Variants in PCDHA9 observed in about 807,000 individuals in gnomAD.
PCDHA9 encodes the protein protocadherin alpha 9.
A neutral mutation model predicts 62.0 loss-of-function variants in PCDHA9; 62 were observed. The observed-to-expected ratio is 1.00, with a 90% CI of 0.81 to 1.23. The LOEUF is 1.23. Among genes scored for constraint, PCDHA9 ranks in the 50% most tolerant of loss-of-function variants. The pLI, the probability that PCDHA9 is intolerant of heterozygous loss-of-function variation, is 0.00. For missense variants in PCDHA9, 1,205 were observed against 1,249.8 expected (o/e 0.96, Z 0.54); for synonymous variants, 557 against 567.6 (o/e 0.98, Z 0.27).
chr5:140,907,641 C>T (rs2073511625), intron 1 of PCDHA9, among the ~76,000 whole-genome samples: 1 of 152,212 alleles, frequency 6.6e-6, no homozygotes, highest in Non-Finnish European at 1.5e-5. Context: ...CTGCTGCTGG[C>T]AAATTGGGCA....
intron 1 of PCDHA9, chr5:140,860,230 A>G (rs1282358261): frequency 6.6e-6 from 1 of 151,076 alleles, no homozygotes; most frequent in Non-Finnish European, 1.5e-5. Context: ...TATATAAGCC[A>G]GGCATGGTGG....
chr5:140,937,317 G>C (rs1282380622), intron 1 of PCDHA9, among the ~76,000 whole-genome samples: 1 of 152,048 alleles, frequency 6.6e-6, no homozygotes, highest in Non-Finnish European at 1.5e-5. Context: ...GATTACAGGC[G>C]TGAGCCACCG....
At chr5:140,862,473 A>G in intron 1 of PCDHA9, 1 of 377,242 alleles carries the variant, frequency 2.7e-6, no homozygotes. Flanking sequence ...GAGCAAATCT[A>G]TCCATTGTTG....
chr5:140,993,523 CAG>C (rs111789518), intron 3 of PCDHA9, among the ~76,000 whole-genome samples: 1,510 of 145,458 alleles, frequency 0.01, 24 homozygotes, highest in African/African-American at 0.035. Flanking sequence ...GAGAGAGAGA[CAG>C]AGAGAGAGAG....
At chr5:140,980,494 A>T (rs868915196) in intron 2 of PCDHA9, among the ~76,000 whole-genome samples, 1 of 152,106 alleles carries the variant, frequency 6.6e-6, no homozygotes, top group African/African-American at 2.4e-5. Context: ...GCTGGGCGTG[A>T]TGGCATGTGC....
At chr5:140,986,458 A>G (rs1199378141) in intron 3 of PCDHA9, among the ~76,000 whole-genome samples, 1 of 152,166 alleles carries the variant, frequency 6.6e-6, no homozygotes, top group Admixed American at 6.5e-5. Flanking sequence ...GTTTTAATGA[A>G]TGCCCTCTTG....
At chr5:140,941,194 T>TTTCTTC (rs2092780236) in intron 1 of PCDHA9, among the ~76,000 whole-genome samples, 5 of 112,438 alleles carry the variant, frequency 4.4e-5, no homozygotes, top group African/African-American at 1.8e-4. Flanking sequence ...TCTTTTTTTT[T>TTTCTTC]CTTTCTTCCT....
chr5:140,919,509 A>G (rs897648504), intron 1 of PCDHA9, among the ~76,000 whole-genome samples: 1 of 152,052 alleles, frequency 6.6e-6, no homozygotes, highest in Non-Finnish European at 1.5e-5. Context: ...CTTTTTCTAT[A>G]TGTTTTAATT....
chr5:140,883,696 G>T (rs142212706), intron 1 of PCDHA9: 2 of 1,613,818 alleles, frequency 1.2e-6, no homozygotes, highest in Non-Finnish European at 1.7e-6. Flanking sequence ...ACATCTTCAC[G>T]GTGTCTGCTC....
intron 2 of PCDHA9, among the ~76,000 whole-genome samples, chr5:140,979,939 T>A (rs2096870929): frequency 6.6e-6 from 1 of 152,210 alleles, no homozygotes; most frequent in African/African-American, 2.4e-5. Context: ...ATGTGTAGAG[T>A]TAATGTGAAA....
At chr5:140,920,841 TAAA>T (rs781921146) in intron 1 of PCDHA9, among the ~76,000 whole-genome samples, 2 of 109,226 alleles carry the variant, frequency 1.8e-5, no homozygotes, top group Non-Finnish European at 3.9e-5. Context: ...AGACCAAATC[TAAA>T]AAAAAAAAAA....
intron 3 of PCDHA9, among the ~76,000 whole-genome samples, chr5:140,990,685 C>T (rs1451672615): frequency 2.6e-5 from 4 of 152,252 alleles, no homozygotes; most frequent in South Asian, 4.1e-4. Context: ...AAGCTGCTTT[C>T]GGAGAGTCCA....
intron 1 of PCDHA9, chr5:140,876,811 G>A (rs2153346110): frequency 9.3e-6 from 15 of 1,614,218 alleles, no homozygotes; most frequent in Non-Finnish European, 1.3e-5. Context: ...GGAGGTGGCC[G>A]ACGTGAACGA....
chr5:140,864,333 AGT>A (rs1554158793), intron 1 of PCDHA9: 2 of 152,182 alleles, frequency 1.3e-5, no homozygotes, highest in African/African-American at 4.8e-5. Flanking sequence ...TAATTATTTG[AGT>A]TTAAAACATG....
Position 140,850,361 on chromosome 5 carries a change from C to T in PCDHA9, c.1866C>T (p.Phe622=). ...QPETASASIP[F]RVGLYTGEIS... is the part of the protein sequence containing the mutation. The stretch of plus-strand genomic sequence containing the variant: ...AAACGGCCAGCGCGAGCATCCCGTT[C>T]CGCGTGGGGCTGTACACGGGCGAGA... The change falls in exon 1 of 4, where the codon TTC becomes TTT. Residue 622 remains phenylalanine, a synonymous_variant. Coordinates refer to ENST00000532602, the MANE Select transcript of PCDHA9 (RefSeq NM_031857.2). 1 of 1,597,860 alleles carries T rather than the reference C, an allele frequency of 6.3e-7. No homozygotes were observed. Among genetic ancestry groups the T allele is most frequent in the Non-Finnish European group, 8.6e-7 (1 of 1,167,680 alleles).
intron 1 of PCDHA9, among the ~76,000 whole-genome samples, chr5:140,897,922 C>T (rs1476419563): frequency 3.3e-5 from 5 of 152,164 alleles, no homozygotes; most frequent in Non-Finnish European, 5.9e-5. Context: ...TTTTGATTTG[C>T]GTTTCTCTGA....
At chr5:140,968,722 T>C (rs1379540261) in intron 1 of PCDHA9, 2 of 1,613,846 alleles carry the variant, frequency 1.2e-6, no homozygotes, top group Admixed American at 1.7e-5. Context: ...GAGATGAGAG[T>C]GGTAGCACTT....
At chr5:140,983,168 C>G (rs2097030716) in intron 3 of PCDHA9, among the ~76,000 whole-genome samples, 1 of 152,146 alleles carries the variant, frequency 6.6e-6, no homozygotes. Context: ...CCAAACATGA[C>G]CGCCTCACAA....
At chr5:140,882,346 G>T (rs146510190) in intron 1 of PCDHA9, 36 of 1,614,194 alleles carry the variant, frequency 2.2e-5, no homozygotes, top group Non-Finnish European at 2.9e-5. Flanking sequence ...CCTGGGAGAC[G>T]GGTAGTGGCC....
Sources: allele counts gnomAD v4.1 joint callset (sites outside exome capture counted in the v4.1 genomes callset), GRCh38; gene constraint gnomAD v4.1.1; transcripts MANE v1.5; gene names NCBI Gene and HGNC (gene_info 2026-07-23, HGNC 2026-07-21).